KLF8: variants seen among roughly 807,000 people sequenced by gnomAD.
KLF8 encodes KLF transcription factor 8.
In KLF8, 10 loss-of-function variants were observed where a neutral mutation model predicts 18.2. That is an observed-to-expected ratio of 0.55 (90% CI 0.34 to 0.93). KLF8 has a LOEUF of 0.93. Ranked by LOEUF, KLF8 falls within the 40% of genes least tolerant of loss-of-function variation. The probability of loss-of-function intolerance (pLI) is 0.02; values close to 1 mark genes in which losing one functional copy is unlikely to be tolerated. For synonymous variants in KLF8, 109 were observed against 97.3 expected (o/e 1.12, Z -0.71); for missense variants, 264 against 277.9 (o/e 0.95, Z 0.36).
the KLF8 span, among the ~76,000 whole-genome samples, chrX:55,954,872 A>G: frequency 1.8e-5 from 2 of 111,791 alleles, no homozygotes; most frequent in African/African-American, 6.5e-5. Context: ...ATGAACCTTA[A>G]AACATTATGC....
the KLF8 span, among the ~76,000 whole-genome samples, chrX:56,056,605 C>T: frequency 1.5e-4 from 12 of 79,017 alleles, no homozygotes; most frequent in African/African-American, 5.8e-4. Context: ...ACAATGAGAT[C>T]ACATGGACAC....
At position 56,254,108 on chromosome X, in the gene KLF8, G is replaced by A. The variant is rs140505684; in HGVS notation, c.81+3804G>A. 3.8e-4 allele frequency among the ~76,000 whole-genome samples: 42 copies of A among 111,062 alleles called. No individual in the cohort carries two copies. The East Asian group carries it at 9.6e-3, about 25-fold the overall frequency. ...TGAGATTACAGACATGAGCCACTGC[G>A]CCCAGACAAGAATGTCATTGGTATT... On this transcript the variant is annotated intron_variant, in intron 2 of 5. Coordinates refer to ENST00000468660, the MANE Select transcript of KLF8 (RefSeq NM_007250.5).
the KLF8 span, among the ~76,000 whole-genome samples, chrX:56,132,100 GAAAC>G: frequency 9.0e-6 from 1 of 111,524 alleles, no homozygotes; most frequent in Non-Finnish European, 1.9e-5. Context: ...AGTCAACAAA[GAAAC>G]AATGGATTTA....
At chrX:55,944,175 T>C in the KLF8 span, among the ~76,000 whole-genome samples, 1 of 109,614 alleles carries the variant, frequency 9.1e-6, no homozygotes, top group Non-Finnish European at 1.9e-5. Context: ...ATCCCAGGGA[T>C]GAAGCCCACT....
chrX:55,930,368 C>G, the KLF8 span, among the ~76,000 whole-genome samples: 1 of 111,570 alleles, frequency 9.0e-6, no homozygotes. Context: ...ATTTGAATAC[C>G]CTTTATTTCT....
chrX:56,056,098 C>T, the KLF8 span, among the ~76,000 whole-genome samples: 5 of 111,823 alleles, frequency 4.5e-5, no homozygotes, highest in African/African-American at 1.3e-4. Context: ...AGAACCTTTG[C>T]TGGAGAGGTG....
chrX:55,933,401 C>T, the KLF8 span, among the ~76,000 whole-genome samples: 1 of 111,712 alleles, frequency 9.0e-6, no homozygotes, highest in Non-Finnish European at 1.9e-5. Context: ...ATGAAAGCTT[C>T]TCTTGCTGAA....
chrX:56,186,321 G>A, the KLF8 span, among the ~76,000 whole-genome samples: 1 of 111,753 alleles, frequency 8.9e-6, no homozygotes, highest in African/African-American at 3.3e-5. Context: ...AACAAGAACA[G>A]CTAACTATCC....
At chrX:55,978,076 T>C in the KLF8 span, among the ~76,000 whole-genome samples, 2 of 110,721 alleles carry the variant, frequency 1.8e-5, no homozygotes, top group Non-Finnish European at 3.8e-5. Context: ...TATATATATA[T>C]AGATATACAT....
chrX:56,195,309 T>A, the KLF8 span, among the ~76,000 whole-genome samples: 1 of 111,457 alleles, frequency 9.0e-6, no homozygotes, highest in Admixed American at 9.6e-5. Context: ...ATGTTCAAAC[T>A]CATCACAAGG....
At chrX:56,122,003 T>G in the KLF8 span, among the ~76,000 whole-genome samples, 3 of 111,749 alleles carry the variant, frequency 2.7e-5, no homozygotes, top group African/African-American at 6.5e-5. Flanking sequence ...TTTCATAATT[T>G]TTGTTATCAT....
the KLF8 span, among the ~76,000 whole-genome samples, chrX:56,034,153 T>G: frequency 8.9e-6 from 1 of 112,164 alleles, no homozygotes; most frequent in East Asian, 2.8e-4. Context: ...TTCAGGTCTT[T>G]TCTTTAAATT....
chrX:56,190,127 G>A, the KLF8 span, among the ~76,000 whole-genome samples: 9 of 111,109 alleles, frequency 8.1e-5, no homozygotes, highest in South Asian at 1.1e-3. Flanking sequence ...TAAAAATAAA[G>A]GGATGGAAAA....
chrX:56,032,520 C>T, the KLF8 span, among the ~76,000 whole-genome samples: 1 of 111,758 alleles, frequency 8.9e-6, no homozygotes, highest in East Asian at 2.8e-4. Flanking sequence ...TTATCAACTA[C>T]TGATAAGATC....
chrX:56,161,647 G>T, the KLF8 span, among the ~76,000 whole-genome samples: 72 of 111,243 alleles, frequency 6.5e-4, no homozygotes, highest in African/African-American at 2.2e-3. Context: ...CTCTGCATTG[G>T]TTATTCTAAT....
chrX:56,064,568 C>T, the KLF8 span, among the ~76,000 whole-genome samples: 2 of 111,280 alleles, frequency 1.8e-5, no homozygotes, highest in African/African-American at 6.5e-5. Context: ...GTTGATTCCT[C>T]GTTGTTTTAT....
At chrX:55,938,648 C>G in the KLF8 span, among the ~76,000 whole-genome samples, 3 of 110,761 alleles carry the variant, frequency 2.7e-5, no homozygotes, top group Non-Finnish European at 3.8e-5. Context: ...TGCAGAGACA[C>G]ACATAGGCTC....
chrX:55,970,545 C>T, the KLF8 span, among the ~76,000 whole-genome samples: 13 of 111,677 alleles, frequency 1.2e-4, no homozygotes, highest in African/African-American at 3.9e-4. Flanking sequence ...TGTTATTCAA[C>T]GTAGTACTGC....
At chrX:56,021,323 C>T in the KLF8 span, among the ~76,000 whole-genome samples, 1 of 111,605 alleles carries the variant, frequency 9.0e-6, no homozygotes, top group Non-Finnish European at 1.9e-5. Context: ...CATTGTATGA[C>T]TATACCATAA....
Sources: gnomAD v4.1 joint callset for allele counts (sites outside exome capture counted in the v4.1 genomes callset) on GRCh38, gnomAD v4.1.1 for gene constraint, MANE v1.5 for transcripts, NCBI Gene and HGNC (gene_info 2026-07-23, HGNC 2026-07-21) for gene names.